Variants in MACROD2 observed in about 807,000 individuals in gnomAD.
MACROD2 encodes the protein ADP-ribose glycohydrolase MACROD2.
In MACROD2, 36 loss-of-function variants were observed where a neutral mutation model predicts 70.4. The observed-to-expected ratio is 0.51, with a 90% CI of 0.39 to 0.68. The LOEUF (loss-of-function observed/expected upper bound fraction) is 0.68, where lower values mean the gene tolerates loss of function less well. MACROD2 is among the 30% of genes least tolerant of loss of function. The pLI is 0.00. For synonymous variants in MACROD2, 172 were observed against 178.8 expected (o/e 0.96, Z 0.30); for missense variants, 496 against 538.4 (o/e 0.92, Z 0.78).
At chr20:15,546,867 G>T (rs1208476901) in intron 8 of MACROD2, among the ~76,000 whole-genome samples, 1 of 152,168 alleles carries the variant, frequency 6.6e-6, no homozygotes, top group Non-Finnish European at 1.5e-5. Context: ...TCACTTGGGT[G>T]CATGTCAAGC....
chr20:14,395,462 G>A (rs969852682), intron 3 of MACROD2, among the ~76,000 whole-genome samples: 19 of 151,810 alleles, frequency 1.3e-4, no homozygotes, highest in Non-Finnish European at 2.8e-4. Context: ...ACTAATTTTT[G>A]TAATTTGTGT....
At chr20:14,945,960 C>T (rs1249693290) in intron 5 of MACROD2, among the ~76,000 whole-genome samples, 1 of 152,110 alleles carries the variant, frequency 6.6e-6, no homozygotes, top group Admixed American at 6.6e-5. Flanking sequence ...GTAATCCTAG[C>T]ACTTTGGGAG....
At chr20:14,678,476 A>G (rs2070889787) in intron 4 of MACROD2, among the ~76,000 whole-genome samples, 1 of 152,154 alleles carries the variant, frequency 6.6e-6, no homozygotes, top group Non-Finnish European at 1.5e-5. Context: ...TATAATATAT[A>G]TATTTTTGGT....
In MACROD2 at chr20:15,299,489, T is replaced by C. The variant is rs141590061; in HGVS notation, c.540+69428T>C. Among the ~76,000 whole-genome samples the C allele has an allele frequency of 8.5e-5, 13 of 152,344 alleles. No individual in the cohort carries two copies. The East Asian group carries it at 2.3e-3, about 27-fold the overall frequency. ...TACTGTTAAATGTTGGAACAGACCC[T>C]GTGGAAGTCATTTTAAGGCCCAGAG... On this transcript the variant is annotated intron_variant, in intron 6 of 17. Transcript: ENST00000684519.
intron 6 of MACROD2, among the ~76,000 whole-genome samples, chr20:15,325,831 A>G (rs758424310): frequency 1.3e-5 from 2 of 152,166 alleles, no homozygotes; most frequent in Non-Finnish European, 2.9e-5. Flanking sequence ...TACCAGTCAT[A>G]CAAGAGCTGC....
At chr20:15,141,875 T>A (rs2076194669) in intron 5 of MACROD2, among the ~76,000 whole-genome samples, 1 of 152,184 alleles carries the variant, frequency 6.6e-6, no homozygotes, top group Non-Finnish European at 1.5e-5. Context: ...CTTGCCTCCC[T>A]TTTGCATCAT....
chr20:15,040,502 C>T (rs1044032711), intron 5 of MACROD2, among the ~76,000 whole-genome samples: 1 of 152,026 alleles, frequency 6.6e-6, no homozygotes, highest in African/African-American at 2.4e-5. Context: ...ATGTTTCTAC[C>T]AGTGGTATGT....
chr20:14,226,366 G>A (rs1463817800), intron 3 of MACROD2, among the ~76,000 whole-genome samples: 2 of 152,216 alleles, frequency 1.3e-5, no homozygotes, highest in Non-Finnish European at 2.9e-5. Context: ...CACAGCCTTC[G>A]CTCGCTCTCG....
chr20:15,603,504 C>CAA (rs35734719), intron 8 of MACROD2, among the ~76,000 whole-genome samples: 8 of 97,956 alleles, frequency 8.2e-5, no homozygotes, highest in East Asian at 3.1e-4. Flanking sequence ...TGAGACGTCT[C>CAA]AAAAAAAAAA....
At chr20:14,766,518 G>A (rs1256336141) in intron 5 of MACROD2, among the ~76,000 whole-genome samples, 1 of 152,078 alleles carries the variant, frequency 6.6e-6, no homozygotes, top group African/African-American at 2.4e-5. Flanking sequence ...TGAGATATGA[G>A]GGATATAAAC....
At chr20:14,685,959 T>A (rs2070997083) in intron 5 of MACROD2, among the ~76,000 whole-genome samples, 1 of 152,220 alleles carries the variant, frequency 6.6e-6, no homozygotes. Flanking sequence ...AATAGCGTGT[T>A]ATATTTTAAA....
At chr20:14,787,169 C>G (rs1189730658) in intron 5 of MACROD2, among the ~76,000 whole-genome samples, 2 of 151,936 alleles carry the variant, frequency 1.3e-5, no homozygotes, top group African/African-American at 4.8e-5. Flanking sequence ...ATATTAAATG[C>G]CTATTAAAGA....
intron 3 of MACROD2, among the ~76,000 whole-genome samples, chr20:14,186,633 A>G (rs1400599672): frequency 6.6e-6 from 1 of 152,238 alleles, no homozygotes; most frequent in Non-Finnish European, 1.5e-5. Context: ...TCTGCCAAAA[A>G]AAGACATTCA....
At chr20:15,233,870 G>A (rs527544260) in intron 6 of MACROD2, among the ~76,000 whole-genome samples, 7 of 148,562 alleles carry the variant, frequency 4.7e-5, no homozygotes, top group African/African-American at 1.7e-4. Flanking sequence ...CCTAGTCTGT[G>A]CAAGTTTATT....
Position 14,940,148 on chromosome 20 carries a change from CAAAAAAAA to C in MACROD2, c.418+255210_418+255217del, listed in dbSNP as rs57697517. On this transcript the variant is annotated intron_variant, in intron 5 of 17. Transcript: ENST00000684519. The stretch of plus-strand genomic sequence containing the variant: ...CAACATATGGAAACCCTCATCTCTG[CAAAAAAAA>C]AAAAAAAAAAAAAAAAAAAATTAAA... Among the ~76,000 whole-genome samples, 550 of 55,102 alleles carry C rather than the reference CAAAAAAAA, an allele frequency of 1.0e-2. 6 individuals carry two copies. The highest frequency in any genetic ancestry group is 0.024 in the African/African-American group (508 of 21,102). 36.1% of individuals were successfully genotyped at this position (55,102 alleles called of 152,430 possible).
At chr20:15,958,850 A>G (rs2066016856) in intron 12 of MACROD2, among the ~76,000 whole-genome samples, 1 of 152,206 alleles carries the variant, frequency 6.6e-6, no homozygotes, top group Non-Finnish European at 1.5e-5. Flanking sequence ...AGGAAAGGCT[A>G]TGCAGGAACG....
In MACROD2 at chr20:14,795,221, G is replaced by T. The variant is rs1015126467; in HGVS notation, c.418+110262G>T. On this transcript the variant is annotated intron_variant, in intron 5 of 17. Transcript: ENST00000684519. ...GGAAACCATGGAATGTTTTAAATCT[G>T]GGAGTCATGAAAGCTGATTTATAGT... Among the ~76,000 whole-genome samples, 4 of 152,080 alleles carry T rather than the reference G, an allele frequency of 2.6e-5. 1 individual carries two copies. The highest frequency in any genetic ancestry group is 4.8e-5 in the African/African-American group (2 of 41,372).
At chr20:15,727,646 C>G (rs2050884903) in intron 8 of MACROD2, among the ~76,000 whole-genome samples, 1 of 151,742 alleles carries the variant, frequency 6.6e-6, no homozygotes, top group Non-Finnish European at 1.5e-5. Flanking sequence ...ACTGTAGAGA[C>G]CTTTCATCTC....
At chr20:15,207,986 T>C (rs960750959) in intron 5 of MACROD2, among the ~76,000 whole-genome samples, 14 of 152,202 alleles carry the variant, frequency 9.2e-5, no homozygotes, top group African/African-American at 3.1e-4. Context: ...CATTATTTCT[T>C]TGAATACTAT....
Sources: allele counts gnomAD v4.1 joint callset (sites outside exome capture counted in the v4.1 genomes callset), GRCh38; gene constraint gnomAD v4.1.1; transcripts MANE v1.5; gene names NCBI Gene and HGNC (gene_info 2026-07-23, HGNC 2026-07-21).